Variants in ARMH3 observed in about 807,000 individuals in gnomAD.
ARMH3 encodes armadillo like helical domain containing 3.
ARMH3 carries 60 observed loss-of-function variants against 99.1 expected under a neutral mutation model. The ratio of observed to expected loss-of-function variants is 0.61; its 90% CI spans 0.49 to 0.75. The LOEUF is 0.75. ARMH3 is among the 30% of genes least tolerant of loss of function. The pLI, the probability that ARMH3 is intolerant of heterozygous loss-of-function variation, is 0.00. For synonymous variants in ARMH3, 285 were observed against 292.8 expected (o/e 0.97, Z 0.27); for missense variants, 679 against 843.1 (o/e 0.81, Z 2.41).
At chr10:101,866,041 C>T (rs1029918417) in intron 24 of ARMH3, among the ~76,000 whole-genome samples, 9 of 151,316 alleles carry the variant, frequency 5.9e-5, no homozygotes, top group East Asian at 2.0e-4. Flanking sequence ...GCCAACATGG[C>T]GAAACCCCAT....
chr10:101,947,073 A>T (rs1235421499), intron 22 of ARMH3, among the ~76,000 whole-genome samples: 1 of 152,064 alleles, frequency 6.6e-6, no homozygotes, highest in East Asian at 1.9e-4. Flanking sequence ...TTGTAATCCC[A>T]GCTACTCGGG....
intron 24 of ARMH3, among the ~76,000 whole-genome samples, chr10:101,851,932 G>A (rs1216275255): frequency 6.6e-6 from 1 of 152,166 alleles, no homozygotes; most frequent in Non-Finnish European, 1.5e-5. Context: ...AAAGTAATCT[G>A]GTCCTCTCAT....
intron 22 of ARMH3, among the ~76,000 whole-genome samples, chr10:101,942,570 T>C (rs1203075070): frequency 2.6e-5 from 4 of 152,134 alleles, no homozygotes. Flanking sequence ...TTATCAAAAA[T>C]GTCTTAGTGA....
At chr10:101,988,002 C>T (rs1382712429) in intron 19 of ARMH3, among the ~76,000 whole-genome samples, 1 of 152,156 alleles carries the variant, frequency 6.6e-6, no homozygotes, top group Non-Finnish European at 1.5e-5. Flanking sequence ...TACCTTTATT[C>T]CTTAAAAAGC....
At chr10:101,954,105 T>C (rs375543049) in intron 22 of ARMH3, among the ~76,000 whole-genome samples, 32 of 152,240 alleles carry the variant, frequency 2.1e-4, no homozygotes, top group African/African-American at 3.9e-4. Flanking sequence ...AGTGGGAGGA[T>C]TGCTTGAGCT....
intron 24 of ARMH3, among the ~76,000 whole-genome samples, chr10:101,881,468 C>G (rs1364177002): frequency 6.6e-6 from 1 of 152,098 alleles, no homozygotes; most frequent in Non-Finnish European, 1.5e-5. Flanking sequence ...TTCTAGAGAT[C>G]TGTGGCACAA....
intron 20 of ARMH3, among the ~76,000 whole-genome samples, chr10:101,970,903 G>A (rs1845739665): frequency 6.6e-6 from 1 of 151,706 alleles, no homozygotes; most frequent in Non-Finnish European, 1.5e-5. Flanking sequence ...TTTTTTGAGA[G>A]GAAATATAGA....
In ARMH3 at chr10:101,939,558, G is replaced by A. The variant is rs80266914; in HGVS notation, c.1781+305C>T. Among the ~76,000 whole-genome samples the A allele has an allele frequency of 9.2e-5, 14 of 152,224 alleles. No homozygotes were observed. The East Asian group carries it at 2.7e-3, about 29-fold the overall frequency. ...TGGAGAAAAGCTGAAAATCTTTGGA[G>A]AAAAGTTTTCAGATGACCTATACAT... On this transcript the variant is annotated intron_variant, in intron 23 of 25. Transcript: ENST00000370033.
intron 1 of ARMH3, among the ~76,000 whole-genome samples, chr10:102,044,316 C>A (rs912905648): frequency 1.3e-5 from 2 of 151,720 alleles, no homozygotes; most frequent in East Asian, 3.9e-4. Flanking sequence ...ACCTCGTGAT[C>A]CACCCGCCTT....
At chr10:102,013,425 C>T (rs2066674940) in intron 9 of ARMH3, among the ~76,000 whole-genome samples, 1 of 152,262 alleles carries the variant, frequency 6.6e-6, no homozygotes. Context: ...GCATTTTTTC[C>T]ATAAAGGAAA....
At chr10:101,887,833 C>T (rs375487717) in intron 24 of ARMH3, among the ~76,000 whole-genome samples, 6 of 151,994 alleles carry the variant, frequency 3.9e-5, no homozygotes, top group East Asian at 3.9e-4. Flanking sequence ...CTCTGGCCTG[C>T]GCACTCTTTT....
chr10:101,852,815 T>A (rs890715557), intron 24 of ARMH3, among the ~76,000 whole-genome samples: 1 of 150,842 alleles, frequency 6.6e-6, no homozygotes, highest in Non-Finnish European at 1.5e-5. Flanking sequence ...GGACTTATAG[T>A]GCCCATGATC....
At chr10:101,858,524 A>G (rs2066786195) in intron 24 of ARMH3, among the ~76,000 whole-genome samples, 1 of 152,198 alleles carries the variant, frequency 6.6e-6, no homozygotes, top group African/African-American at 2.4e-5. Flanking sequence ...ATGAATAACT[A>G]TTTTTTAGGG....
At chr10:102,020,824 G>A (rs2066868113) in intron 8 of ARMH3, among the ~76,000 whole-genome samples, 1 of 150,618 alleles carries the variant, frequency 6.6e-6, no homozygotes, top group Non-Finnish European at 1.5e-5. Flanking sequence ...CTACAGCCTG[G>A]GCAACAGACT....
intron 24 of ARMH3, among the ~76,000 whole-genome samples, chr10:101,879,480 G>C (rs2067357358): frequency 6.6e-6 from 1 of 151,850 alleles, no homozygotes; most frequent in Non-Finnish European, 1.5e-5. Context: ...CTCCCGAGTA[G>C]CTGGGATTAC....
chr10:101,879,864 G>A (rs879878439), intron 24 of ARMH3, among the ~76,000 whole-genome samples: 15 of 152,016 alleles, frequency 9.9e-5, no homozygotes, highest in Non-Finnish European at 1.9e-4. Flanking sequence ...CTCGCATGTG[G>A]GCCTTCTCAA....
chr10:101,857,418 T>C (rs1026918054), intron 24 of ARMH3, among the ~76,000 whole-genome samples: 2 of 152,130 alleles, frequency 1.3e-5, no homozygotes, highest in Admixed American at 1.3e-4. Context: ...GCCAAGATCA[T>C]GCCTGGCAAC....
At chr10:101,886,872 A>G (rs2067559829) in intron 24 of ARMH3, among the ~76,000 whole-genome samples, 1 of 152,142 alleles carries the variant, frequency 6.6e-6, no homozygotes, top group Non-Finnish European at 1.5e-5. Context: ...TTTAACATCT[A>G]TCCATGCTCT....
intron 24 of ARMH3, among the ~76,000 whole-genome samples, chr10:101,881,186 G>A (rs140975339): frequency 6.5e-4 from 99 of 152,284 alleles, no homozygotes; most frequent in African/African-American, 2.3e-3. Flanking sequence ...CAAAGCCCTA[G>A]TTAGAGTGGA....
Sources: allele counts gnomAD v4.1 joint callset (sites outside exome capture counted in the v4.1 genomes callset), GRCh38; gene constraint gnomAD v4.1.1; transcripts MANE v1.5; gene names NCBI Gene and HGNC (gene_info 2026-07-23, HGNC 2026-07-21).